The following MELK variants were observed in gnomAD, a reference collection of about 807,000 sequenced individuals.
The protein encoded by MELK is maternal embryonic leucine zipper kinase, also known as pEg3 kinase.
MELK carries 81 observed loss-of-function variants against 85.0 expected under a neutral mutation model. That is an observed-to-expected ratio of 0.95 (90% CI 0.80 to 1.15). The LOEUF (loss-of-function observed/expected upper bound fraction) is 1.15. MELK is among the 50% of genes most tolerant of loss of function. The pLI is 0.00. For synonymous variants in MELK, 252 were observed against 265.0 expected, an observed-to-expected ratio of 0.95 and a Z score of 0.48; for missense variants, 754 against 777.5, an observed-to-expected ratio of 0.97 and a Z score of 0.36.
intron 8 of MELK, among the ~76,000 whole-genome samples, chr9:36,629,158 C>G (rs1828261509): frequency 6.6e-6 from 1 of 152,156 alleles, no homozygotes; most frequent in African/African-American, 2.4e-5. Context: ...AGCCACCACG[C>G]CCAGCCTGGT....
intron 8 of MELK, among the ~76,000 whole-genome samples, chr9:36,623,778 G>A (rs1461352496): frequency 1.3e-5 from 2 of 152,202 alleles, no homozygotes; most frequent in African/African-American, 2.4e-5. Context: ...CCTCAAAAAA[G>A]GAATACTACT....
Position 36,665,557 on chromosome 9 carries a change from A to G in MELK, c.1384A>G (p.Asn462Asp), listed in dbSNP as rs775097745. The G allele has an allele frequency of 7.4e-6, 12 of 1,613,044 alleles. No individual in the cohort carries two copies. The highest frequency in any genetic ancestry group is 4.0e-5 in the African/African-American group (3 of 74,900). The change falls in exon 14 of 18, where the codon AAT becomes GAT. Residue 462 changes from asparagine (N) to aspartate (D), a missense_variant. Physicochemically the swap from Asn to Asp is conservative, Grantham distance 23. Transcript: ENST00000298048. ...TAAGAGAGAAATACTCACTACGCCAAATCGTTACACTACACCCTCAAAAGG... is the reference window on the plus strand; with the variant it reads ...TAAGAGAGAAATACTCACTACGCCAGATCGTTACACTACACCCTCAAAAGG... ...QHKREILTTP[N>D]RYTTPSKARN...
At position 36,586,891 on chromosome 9, in the gene MELK, T is replaced by C. The variant is rs543402115; in HGVS notation, c.145-2645T>C. Among the ~76,000 whole-genome samples, 4 of 152,256 alleles carry C rather than the reference T, an allele frequency of 2.6e-5. No individual in the cohort carries two copies. The South Asian group carries it at 8.3e-4, about 32-fold the overall frequency. On this transcript the variant is annotated intron_variant, in intron 3 of 17. Transcript: ENST00000298048. The stretch of plus-strand genomic sequence containing the variant: ...ATTTATTTATTTTTGAGATGGAGTC[T>C]TGCTCTGTCACCCAGGCTGGAGTGC...
intron 7 of MELK, among the ~76,000 whole-genome samples, chr9:36,603,482 A>G (rs1411778542): frequency 6.6e-6 from 1 of 151,846 alleles, no homozygotes; most frequent in African/African-American, 2.4e-5. Flanking sequence ...CCCAGGCTGA[A>G]GTGCAGTGGC....
At chr9:36,617,516 A>G (rs528410517) in intron 8 of MELK, among the ~76,000 whole-genome samples, 61 of 151,954 alleles carry the variant, frequency 4.0e-4, no homozygotes, top group African/African-American at 1.3e-3. Context: ...TTGTAGAGAT[A>G]AGGTCTTGCT....
chr9:36,647,774 G>A (rs1830358879), intron 11 of MELK, among the ~76,000 whole-genome samples: 1 of 152,052 alleles, frequency 6.6e-6, no homozygotes, highest in African/African-American at 2.4e-5. Context: ...AAACATGTAT[G>A]AGCCACTGTG....
intron 1 of MELK, among the ~76,000 whole-genome samples, chr9:36,576,507 C>G (rs771753318): frequency 6.6e-6 from 1 of 151,940 alleles, no homozygotes; most frequent in African/African-American, 2.4e-5. Context: ...AGCTTCTGCT[C>G]TAGTTTTCTA....
chr9:36,581,319 A>G lies in MELK; in HGVS notation c.-38-325A>G, dbSNP rs970356961. 5.9e-5 allele frequency among the ~76,000 whole-genome samples: 9 copies of G among 151,922 alleles called. No homozygotes were observed. The South Asian group carries it at 1.0e-3, about 17-fold the overall frequency. On this transcript the variant is annotated intron_variant, in intron 1 of 17. Coordinates refer to ENST00000298048, the MANE Select transcript of MELK (RefSeq NM_014791.4). ...ACACACGCACCACTGTGCCCAGCTG[A>G]AGTTCTTAATTTTAATGTTGTTTAA...
intron 7 of MELK, among the ~76,000 whole-genome samples, chr9:36,601,676 C>T (rs1824941920): frequency 6.6e-6 from 1 of 152,182 alleles, no homozygotes; most frequent in African/African-American, 2.4e-5. Flanking sequence ...CTCCAGGGCT[C>T]TTTTAATTTT....
chr9:36,607,375 C>G (rs566207954), intron 7 of MELK, among the ~76,000 whole-genome samples, 200 bp from the exon 8 acceptor site: 101 of 152,158 alleles, frequency 6.6e-4, no homozygotes, highest in Non-Finnish European at 1.1e-3. Flanking sequence ...TCCTGGGTGG[C>G]CTCCAATTGA....
intron 14 of MELK, among the ~76,000 whole-genome samples, chr9:36,666,853 T>TTGTGTGTGTGTGTG (rs5897643): frequency 8.4e-5 from 11 of 130,748 alleles, no homozygotes; most frequent in South Asian, 2.7e-4. Context: ...ATGTCTGTGT[T>TTGTGTGTGTGTGTG]TGTGTGTGTG....
intron 8 of MELK, among the ~76,000 whole-genome samples, chr9:36,610,784 C>T (rs951035181): frequency 6.6e-5 from 10 of 152,166 alleles, no homozygotes; most frequent in African/African-American, 2.2e-4. Context: ...CAGAAGTGGT[C>T]TTTGGGCAGC....
intron 8 of MELK, among the ~76,000 whole-genome samples, chr9:36,625,506 C>T (rs549721248): frequency 6.6e-6 from 1 of 152,286 alleles, no homozygotes; most frequent in East Asian, 1.9e-4. Flanking sequence ...TCTAAAACCC[C>T]TCCTTCCCAG....
intron 13 of MELK, among the ~76,000 whole-genome samples, chr9:36,662,101 T>C (rs1276032169): frequency 6.6e-6 from 1 of 151,894 alleles, no homozygotes; most frequent in East Asian, 1.9e-4. Context: ...TATGTGTCTT[T>C]TTCTGTATTT....
At chr9:36,641,196 C>T (rs1440901695) in intron 10 of MELK, among the ~76,000 whole-genome samples, 1 of 152,168 alleles carries the variant, frequency 6.6e-6, no homozygotes, top group African/African-American at 2.4e-5. Context: ...TTCTGAAAGG[C>T]TCTTTTAGCA....
At chr9:36,631,845 A>G (rs1365377724) in intron 9 of MELK, among the ~76,000 whole-genome samples, 2 of 151,440 alleles carry the variant, frequency 1.3e-5, no homozygotes, top group Non-Finnish European at 2.9e-5. Flanking sequence ...TATTTTTTGT[A>G]GAGATGGGGT....
At position 36,674,824 on chromosome 9, in the gene MELK, C is replaced by T. The variant is rs1313851465; in HGVS notation, c.1675-10C>T. On this transcript the variant is annotated splice_polypyrimidine_tract_variant and intron_variant, in intron 16 of 17. Coordinates refer to ENST00000298048, the MANE Select transcript of MELK (RefSeq NM_014791.4). ...AATTTACTTCTCATCTCTTCTTTTT[C>T]TTTTCTTAGCTTCACTATAACGTGA... 3 of 1,507,268 alleles carry T rather than the reference C, an allele frequency of 2.0e-6. No homozygotes were observed. Among genetic ancestry groups the T allele is most frequent in the Admixed American group, 3.5e-5 (2 of 57,798 alleles). 93.4% of individuals were successfully genotyped at this position (1,507,268 alleles called of 1,614,324 possible).
intron 8 of MELK, among the ~76,000 whole-genome samples, chr9:36,620,920 G>A (rs1396280978): frequency 6.6e-6 from 1 of 151,878 alleles, no homozygotes; most frequent in Non-Finnish European, 1.5e-5. Flanking sequence ...TGCCAGCATT[G>A]CACCTGCCAA....
At chr9:36,644,793 A>G (rs938204353) in intron 11 of MELK, among the ~76,000 whole-genome samples, 1 of 152,214 alleles carries the variant, frequency 6.6e-6, no homozygotes. Flanking sequence ...CTGAGTTTCC[A>G]TGTTCTCATC....
Sources: allele counts gnomAD v4.1 joint callset (sites outside exome capture counted in the v4.1 genomes callset), GRCh38; gene constraint gnomAD v4.1.1; transcripts MANE v1.5; gene names NCBI Gene and HGNC (gene_info 2026-07-23, HGNC 2026-07-21).